LOXHD1: variants seen among roughly 807,000 people sequenced by gnomAD.
LOXHD1 encodes lipoxygenase homology PLAT domains 1, also known as lipoxygenase homology domain-containing protein 1.
LOXHD1 carries 205 observed loss-of-function variants against 248.2 expected under a neutral mutation model. The ratio of observed to expected loss-of-function variants is 0.83; its 90% confidence interval spans 0.74 to 0.93. The LOEUF is 0.93. Ranked by LOEUF, LOXHD1 falls within the 40% of genes least tolerant of loss-of-function variation. LOXHD1 has a pLI of 0.00. For synonymous variants in LOXHD1, 1,113 were observed against 1,162.8 expected (o/e 0.96, Z 0.87); for missense variants, 2,930 against 2,971.6 (o/e 0.99, Z 0.33).
intron 4 of LOXHD1, among the ~76,000 whole-genome samples, chr18:46,622,707 A>G (rs2144337946): frequency 2.0e-5 from 3 of 152,326 alleles, no homozygotes; most frequent in Middle Eastern, 6.8e-3. Flanking sequence ...GCAGTAGAGC[A>G]TGTCCTATGC....
intron 5 of LOXHD1, 134 bp from the exon 6 acceptor site, chr18:46,611,058 C>T: frequency 1.0e-6 from 1 of 995,068 alleles, no homozygotes; most frequent in Non-Finnish European, 1.5e-6. Context: ...TCTAAGGGCT[C>T]CTTACATCCC....
At chr18:46,491,956 A>G (rs1443829358) in intron 37 of LOXHD1, among the ~76,000 whole-genome samples, 1 of 152,202 alleles carries the variant, frequency 6.6e-6, no homozygotes, top group African/African-American at 2.4e-5. Context: ...GACCCCATCC[A>G]CAATTTTCAA....
intron 40 of LOXHD1, among the ~76,000 whole-genome samples, chr18:46,483,304 T>A (rs942856965): frequency 6.6e-6 from 1 of 152,138 alleles, no homozygotes; most frequent in Non-Finnish European, 1.5e-5. Flanking sequence ...ACTGTTTGAC[T>A]TTCTCAGTAT....
At chr18:46,559,177 CT>C (rs2037453755) in intron 20 of LOXHD1, 14 of 1,433,270 alleles carry the variant, frequency 9.8e-6, no homozygotes, top group Non-Finnish European at 1.8e-6. Context: ...TACCAAGTGC[CT>C]CAGCATCTGC....
intron 25 of LOXHD1, among the ~76,000 whole-genome samples, chr18:46,540,100 C>T (rs977274061): frequency 2.0e-5 from 3 of 152,208 alleles, no homozygotes; most frequent in Admixed American, 6.5e-5. Context: ...CTCACAATGA[C>T]TTGAGGGAGT....
intron 32 of LOXHD1, 84 bp downstream of exon 32, chr18:46,522,017 T>C: frequency 1.5e-5 from 7 of 462,792 alleles, no homozygotes; most frequent in Admixed American, 2.8e-5. Context: ...CTTCCCACCC[T>C]GCACTCTCCC....
At chr18:46,583,886 G>C (rs1282138949) in intron 12 of LOXHD1, among the ~76,000 whole-genome samples, 1 of 151,950 alleles carries the variant, frequency 6.6e-6, no homozygotes. Context: ...CAAGATATCT[G>C]TACTCTCATG....
intron 32 of LOXHD1, 24 bp downstream of exon 32, chr18:46,522,077 C>CA (rs1598908578): frequency 6.5e-7 from 1 of 1,531,502 alleles, no homozygotes; most frequent in Non-Finnish European, 8.8e-7. Context: ...TGGTCACTAT[C>CA]ATGGGGCCCC....
At position 46,542,775 on chromosome 18, in the gene LOXHD1, G is replaced by T. The variant is rs2036618170; in HGVS notation, c.3700C>A (p.Leu1234Met). The T allele has an allele frequency of 1.9e-6, 3 of 1,551,584 alleles. No individual in the cohort carries two copies. Among genetic ancestry groups the T allele is most frequent in the Non-Finnish European group, 2.6e-6 (3 of 1,147,014 alleles). Residue 1234 changes from leucine (L) to methionine (M), a missense_variant, in exon 24 of 41, where the codon CTG becomes ATG. Transcript: ENST00000642948. ...DSIEIFTVETLDLGDLWKVRL... is the reference protein window; with the variant it reads ...DSIEIFTVETMDLGDLWKVRL... ...ACTTTCCACAGGTCTCCCAGATCCA[G>T]CGTCTCCACCGTGAAGATTTCAATG... is the stretch of plus-strand genomic sequence containing the variant.
At position 46,618,184 on chromosome 18, in the gene LOXHD1, C is replaced by A; in HGVS notation, c.610+8G>T. The A allele has an allele frequency of 6.5e-7, 1 of 1,545,352 alleles. No homozygotes were observed. The highest frequency in any genetic ancestry group is 8.8e-7 in the Non-Finnish European group (1 of 1,141,768). On this transcript the variant is annotated splice_region_variant and intron_variant, in intron 5 of 40. Coordinates refer to ENST00000642948, the MANE Select transcript of LOXHD1 (RefSeq NM_001384474.1). ...TGGCTTATGAAAAAAATAATTCAAACCCATTACCTGTGTCTCCATACTCTC... is the reference window on the plus strand; with the variant it reads ...TGGCTTATGAAAAAAATAATTCAAAACCATTACCTGTGTCTCCATACTCTC...
At chr18:46,561,588 A>C (rs1438890993) in intron 18 of LOXHD1, among the ~76,000 whole-genome samples, 1 of 152,192 alleles carries the variant, frequency 6.6e-6, no homozygotes, top group Non-Finnish European at 1.5e-5. Flanking sequence ...ACTGAGTGCC[A>C]GGGCAAACTG....
intron 10 of LOXHD1, 84 bp from the exon 11 acceptor site, chr18:46,592,668 A>G: frequency 8.5e-7 from 1 of 1,171,012 alleles, no homozygotes; most frequent in Non-Finnish European, 1.2e-6. Context: ...TCAGGAGGGT[A>G]CCTGCTTTGG....
chr18:46,626,443 C>A (rs2038743587), intron 4 of LOXHD1, among the ~76,000 whole-genome samples: 1 of 152,194 alleles, frequency 6.6e-6, no homozygotes, highest in Non-Finnish European at 1.5e-5. Context: ...GAGGCTGAGG[C>A]AGGAGAATCA....
intron 14 of LOXHD1, among the ~76,000 whole-genome samples, chr18:46,574,420 C>CACACACA (rs1568195079): frequency 1.4e-5 from 2 of 144,144 alleles, no homozygotes; most frequent in Admixed American, 6.8e-5. Flanking sequence ...CACACACACA[C>CACACACA]CTGATCCTAG....
intron 5 of LOXHD1, among the ~76,000 whole-genome samples, chr18:46,615,102 G>A (rs965848695): frequency 6.6e-6 from 1 of 152,124 alleles, no homozygotes; most frequent in Non-Finnish European, 1.5e-5. Context: ...ATAAGGCTTG[G>A]ACCCCAGCCT....
In LOXHD1 at chr18:46,572,150, C is replaced by T. The variant is rs1432685528; in HGVS notation, c.1983G>A (p.Lys661=). 6.4e-7 allele frequency: 1 copy of T among 1,551,870 alleles called. No individual in the cohort carries two copies. The highest frequency in any genetic ancestry group is 8.7e-7 in the Non-Finnish European group (1 of 1,147,032). The change falls in exon 15 of 41, where the codon AAG becomes AAA. Residue 661 remains lysine (K), a synonymous_variant. Coordinates refer to ENST00000642948, the MANE Select transcript of LOXHD1 (RefSeq NM_001384474.1). The stretch of plus-strand genomic sequence containing the variant: ...GGACCAGCTGCCCATCATCCTTATC[C>T]TTGTCCAACCACCTGGTGGGCAAAT... ...VEFPCLRWLD[K]DKDDGQLVRE...
At chr18:46,632,939 T>C (rs1375003293) in intron 4 of LOXHD1, among the ~76,000 whole-genome samples, 1 of 152,188 alleles carries the variant, frequency 6.6e-6, no homozygotes, top group Non-Finnish European at 1.5e-5. Context: ...GGGCGCCCAC[T>C]CCTACTGATT....
At chr18:46,550,971 T>G (rs1028441669) in intron 21 of LOXHD1, among the ~76,000 whole-genome samples, 4 of 152,170 alleles carry the variant, frequency 2.6e-5, no homozygotes, top group Non-Finnish European at 5.9e-5. Flanking sequence ...CATTGTTGTA[T>G]CCACATCCCC....
chr18:46,524,293 T>C (rs1449924096), intron 31 of LOXHD1, among the ~76,000 whole-genome samples, 173 bp downstream of exon 31: 1 of 152,224 alleles, frequency 6.6e-6, no homozygotes, highest in Non-Finnish European at 1.5e-5. Flanking sequence ...CCCTCTCACC[T>C]TGCAGGGTTG....
Sources: allele counts gnomAD v4.1 joint callset (sites outside exome capture counted in the v4.1 genomes callset), GRCh38; gene constraint gnomAD v4.1.1; transcripts MANE v1.5; gene names NCBI Gene and HGNC (gene_info 2026-07-23, HGNC 2026-07-21).